CUBN: variants seen among roughly 807,000 people sequenced by gnomAD.
CUBN encodes the protein cubilin, also known as 460 kDa receptor.
A neutral mutation model predicts 405.3 loss-of-function variants in CUBN; 282 were observed. The observed-to-expected ratio is 0.70, with a 90% CI of 0.63 to 0.77. The LOEUF (loss-of-function observed/expected upper bound fraction) is 0.77. CUBN is among the 30% of genes least tolerant of loss of function. The pLI, the probability that CUBN is intolerant of heterozygous loss-of-function variation, is 0.00. For synonymous variants in CUBN, 1,684 were observed against 1,617.0 expected, an observed-to-expected ratio of 1.04 and a Z score of -0.99; for missense variants, 4,514 against 4,475.2, an observed-to-expected ratio of 1.01 and a Z score of -0.25.
chr10:16,917,559 T>TTGAAACCATGGAACA (rs1442643491), intron 45 of CUBN, among the ~76,000 whole-genome samples: 1 of 152,196 alleles, frequency 6.6e-6, no homozygotes, highest in East Asian at 1.9e-4. Context: ...ACCAAGGGCA[T>TTGAAACCATGGAACA]TGAAACCATG....
At chr10:16,826,239 T>G (rs1275857130) in intron 66 of CUBN, among the ~76,000 whole-genome samples, 1 of 152,190 alleles carries the variant, frequency 6.6e-6, no homozygotes, top group African/African-American at 2.4e-5. Context: ...TACCTCTGTA[T>G]GTACACTGTA....
chr10:16,999,942 G>A (rs751657379), intron 28 of CUBN, among the ~76,000 whole-genome samples: 5 of 152,142 alleles, frequency 3.3e-5, no homozygotes, highest in Non-Finnish European at 7.3e-5. Context: ...ACACAGGTGG[G>A]CAGCACCACG....
At chr10:16,979,555 G>A (rs1226481290) in intron 31 of CUBN, among the ~76,000 whole-genome samples, 3 of 152,178 alleles carry the variant, frequency 2.0e-5, no homozygotes, top group Admixed American at 6.5e-5. Flanking sequence ...ACAACCATCT[G>A]ATCTTTAACA....
intron 35 of CUBN, among the ~76,000 whole-genome samples, chr10:16,947,893 A>G (rs4747289): frequency 0.27 from 40,851 of 152,142 alleles, 6,239 homozygotes; most frequent in African/African-American, 0.4. Flanking sequence ...TCCCCAGGTT[A>G]GGGCTGCCTT....
At position 16,915,960 on chromosome 10, in the gene CUBN, G is replaced by A; in HGVS notation, c.7071C>T (p.Tyr2357=). The change falls in exon 46 of 67, where the codon TAC becomes TAT. Residue 2357 remains tyrosine, a synonymous_variant. Coordinates refer to ENST00000377833, the MANE Select transcript of CUBN (RefSeq NM_001081.4). ...GCCACTCACAGAATAAGTTGTCTCTGTATGGAAGTGTTGGATGTCCAATGC... is the reference window on the plus strand; with the variant it reads ...GCCACTCACAGAATAAGTTGTCTCTATATGGAAGTGTTGGATGTCCAATGC... ...VESIGHPTLP[Y]RDNLFCEWHL... 1.2e-6 allele frequency: 2 copies of A among 1,614,124 alleles called. No homozygotes were observed. The highest frequency in any genetic ancestry group is 1.7e-6 in the Non-Finnish European group (2 of 1,180,006).
In CUBN at chr10:16,952,066, G is replaced by A. The variant is rs375086255; in HGVS notation, c.4969+210C>T. Among the ~76,000 whole-genome samples the A allele has an allele frequency of 2.0e-3, 298 of 152,214 alleles. 2 individuals carry two copies. Among genetic ancestry groups the A allele is most frequent in the Non-Finnish European group, 4.0e-3 (271 of 67,994 alleles). Reference sequence around the variant, plus strand: ...GCCTTGACATGAAAAAAAAGAAATTGTTTTTAAATTTAGAAGCAACTGTAG... The same window carrying A: ...GCCTTGACATGAAAAAAAAGAAATTATTTTTAAATTTAGAAGCAACTGTAG... On this transcript the variant is annotated intron_variant, in intron 33 of 66. Coordinates refer to ENST00000377833, the MANE Select transcript of CUBN (RefSeq NM_001081.4).
chr10:16,893,318 G>A (rs1464952910), intron 54 of CUBN, among the ~76,000 whole-genome samples: 2 of 152,068 alleles, frequency 1.3e-5, no homozygotes, highest in Non-Finnish European at 2.9e-5. Flanking sequence ...TTGCAAAACT[G>A]TAGTATACTA....
intron 27 of CUBN, among the ~76,000 whole-genome samples, chr10:17,027,549 A>G (rs1177438032): frequency 3.9e-5 from 6 of 152,198 alleles, no homozygotes; most frequent in African/African-American, 1.4e-4. Flanking sequence ...TCCTATAATG[A>G]CTATAAATTC....
chr10:17,056,141 A>G (rs1001996396), intron 22 of CUBN, among the ~76,000 whole-genome samples: 2 of 152,130 alleles, frequency 1.3e-5, no homozygotes, highest in Non-Finnish European at 2.9e-5. Flanking sequence ...GGTGATTTTC[A>G]ACAAAAATGC....
chr10:17,092,390 C>G (rs1472625668), intron 14 of CUBN, among the ~76,000 whole-genome samples: 5 of 152,156 alleles, frequency 3.3e-5, no homozygotes, highest in Non-Finnish European at 7.4e-5. Flanking sequence ...GCAACTCCAT[C>G]TTGAATAGGG....
chr10:16,863,810 T>A (rs1033907380), intron 59 of CUBN, among the ~76,000 whole-genome samples: 8 of 152,196 alleles, frequency 5.3e-5, no homozygotes, highest in Non-Finnish European at 8.8e-5. Context: ...TTCCTTCTTT[T>A]TTATCCCCTT....
chr10:17,100,283 A>G (rs750016500), intron 13 of CUBN, 44 bp from the exon 14 acceptor site: 1 of 1,336,002 alleles, frequency 7.5e-7, no homozygotes, highest in Non-Finnish European at 1.1e-6. Context: ...ACTTCCATGT[A>G]AATTTTAAAG....
At chr10:16,855,917 A>G (rs1022193629) in intron 59 of CUBN, among the ~76,000 whole-genome samples, 1 of 152,216 alleles carries the variant, frequency 6.6e-6, no homozygotes, top group Admixed American at 6.5e-5. Context: ...TAGTGCTTAA[A>G]TATAGCAAAA....
In CUBN at chr10:17,024,608, A is replaced by G. The variant is rs551479207; in HGVS notation, c.4018-4625T>C. Reference sequence around the variant, plus strand: ...TAGCCTCACCCTCCCAGGCTCAAGCAATCCTCCTGCCTAAGCCTCCTGATG... The same window carrying G: ...TAGCCTCACCCTCCCAGGCTCAAGCGATCCTCCTGCCTAAGCCTCCTGATG... On this transcript the variant is annotated intron_variant, in intron 27 of 66. Coordinates refer to ENST00000377833, the MANE Select transcript of CUBN (RefSeq NM_001081.4). 9.7e-4 allele frequency among the ~76,000 whole-genome samples: 147 copies of G among 152,254 alleles called. 3 individuals carry two copies. The South Asian group carries it at 0.03, about 31-fold the overall frequency.
chr10:17,006,252 T>G (rs1476139297), intron 28 of CUBN, among the ~76,000 whole-genome samples: 4 of 152,240 alleles, frequency 2.6e-5, no homozygotes, highest in Non-Finnish European at 5.9e-5. Flanking sequence ...AAAAAATATC[T>G]GCTGGCAGAG....
chr10:16,984,778 G>T (rs1833371441), intron 29 of CUBN, among the ~76,000 whole-genome samples: 1 of 152,168 alleles, frequency 6.6e-6, no homozygotes, highest in South Asian at 2.1e-4. Context: ...CAATATCCCA[G>T]TTATATTTTT....
chr10:17,046,965 C>A, intron 23 of CUBN, among the ~76,000 whole-genome samples: 1 of 152,094 alleles, frequency 6.6e-6, no homozygotes. Context: ...AATTCACAAG[C>A]CTAGACTTTT....
intron 28 of CUBN, among the ~76,000 whole-genome samples, chr10:17,010,851 A>G (rs1417773861): frequency 6.6e-6 from 1 of 152,198 alleles, no homozygotes; most frequent in African/African-American, 2.4e-5. Flanking sequence ...AGCCCAGTTT[A>G]TAATCTCAGA....
intron 13 of CUBN, among the ~76,000 whole-genome samples, chr10:17,100,733 A>T (rs1191591688): frequency 6.6e-6 from 1 of 152,160 alleles, no homozygotes; most frequent in Non-Finnish European, 1.5e-5. Flanking sequence ...TAAGATTCTG[A>T]CGCCAGCCCA....
Sources: gnomAD v4.1 joint callset for allele counts (sites outside exome capture counted in the v4.1 genomes callset) on GRCh38, gnomAD v4.1.1 for gene constraint, MANE v1.5 for transcripts, NCBI Gene and HGNC (gene_info 2026-07-23, HGNC 2026-07-21) for gene names.